Variants in ERN1 observed in about 807,000 individuals in gnomAD.
ERN1 encodes serine/threonine-protein kinase/endoribonuclease IRE1.
In ERN1, 39 loss-of-function variants were observed where a neutral mutation model predicts 113.1. That is an observed-to-expected ratio of 0.34 (90% CI 0.27 to 0.45). The LOEUF is 0.45. ERN1 is among the 20% of genes least tolerant of loss of function. The probability of loss-of-function intolerance (pLI) is 1.00; values close to 1 mark genes in which losing one functional copy is unlikely to be tolerated. For missense variants in ERN1, 976 were observed against 1,274.8 expected (o/e 0.77, Z 3.57); for synonymous variants, 507 against 515.9 (o/e 0.98, Z 0.23).
At chr17:64,079,188 CT>C (rs1031558299) in intron 4 of ERN1, among the ~76,000 whole-genome samples, 3 of 152,110 alleles carry the variant, frequency 2.0e-5, no homozygotes, top group Non-Finnish European at 4.4e-5. Flanking sequence ...GGTCCTAATG[CT>C]GTTTTTTCGA....
intron 18 of ERN1, 107 bp downstream of exon 18, chr17:64,048,947 TG>T: frequency 8.7e-7 from 1 of 1,155,870 alleles, no homozygotes. Flanking sequence ...GGTGAGCAGC[TG>T]GGGCACCACG....
intron 10 of ERN1, among the ~76,000 whole-genome samples, chr17:64,062,613 C>T (rs1049012716): frequency 2.0e-5 from 3 of 152,184 alleles, no homozygotes; most frequent in African/African-American, 7.2e-5. Context: ...AGACTCCCTG[C>T]CCCCATATTT....
At chr17:64,099,091 G>C (rs1474613083) in intron 1 of ERN1, among the ~76,000 whole-genome samples, 1 of 152,076 alleles carries the variant, frequency 6.6e-6, no homozygotes, top group African/African-American at 2.4e-5. Context: ...ACAAAAACTG[G>C]AAAGAACCAA....
chr17:64,054,077 C>T lies in ERN1; in HGVS notation c.1953+173G>A, dbSNP rs1912774638. Reference sequence around the variant, plus strand: ...ACCTCAGCCTCCCAAGTAGCTGGGGCTACAGGAACACATCGCTAGGCCTGG... The same window carrying T: ...ACCTCAGCCTCCCAAGTAGCTGGGGTTACAGGAACACATCGCTAGGCCTGG... On this transcript the variant is annotated intron_variant, in intron 15 of 21. Coordinates refer to ENST00000433197, the MANE Select transcript of ERN1 (RefSeq NM_001433.5). The surrounding 1 kb of genome is among the most constrained non-coding windows in gnomAD (Gnocchi z 4.9). The T allele has an allele frequency of 3.6e-6, 2 of 560,058 alleles. No individual in the cohort carries two copies. The highest frequency in any genetic ancestry group is 6.3e-6 in the Non-Finnish European group (2 of 319,904). 34.7% of individuals were successfully genotyped at this position (560,058 alleles called of 1,614,324 possible). A position where few individuals can be genotyped will look rare whatever the true frequency, so the allele number is the denominator to read the frequency against.
intron 2 of ERN1, 67 bp downstream of exon 2, chr17:64,098,054 C>T: frequency 6.4e-7 from 1 of 1,573,166 alleles, no homozygotes; most frequent in Non-Finnish European, 8.7e-7. Flanking sequence ...TCTCTTTCTC[C>T]AGAATATGTT....
chr17:64,054,074 G>T lies in ERN1; in HGVS notation c.1953+176C>A, dbSNP rs989154446. On this transcript the variant is annotated intron_variant, in intron 15 of 21. Coordinates refer to ENST00000433197, the MANE Select transcript of ERN1 (RefSeq NM_001433.5). This position sits in a 1 kb window ranked among gnomAD's most constrained non-coding sequence, Gnocchi z 4.9. ...CCCACCTCAGCCTCCCAAGTAGCTG[G>T]GGCTACAGGAACACATCGCTAGGCC... 1.8e-6 allele frequency: 1 copy of T among 542,884 alleles called. No individual in the cohort carries two copies. Among genetic ancestry groups the T allele is most frequent in the Non-Finnish European group, 3.2e-6 (1 of 309,118 alleles). 33.6% of individuals were successfully genotyped at this position (542,884 alleles called of 1,614,324 possible). A position where few individuals can be genotyped will look rare whatever the true frequency, so the allele number is the denominator to read the frequency against.
At chr17:64,055,601 T>G in intron 13 of ERN1, 74 bp downstream of exon 13, 1 of 1,359,902 alleles carries the variant, frequency 7.4e-7, no homozygotes, top group Non-Finnish European at 9.9e-7. Context: ...TACAATCTTA[T>G]GGAGACTCCT....
rs1912402853 is a variant in ERN1, at chr17:64,043,414, T to A, written c.*574A>T. On this transcript the variant is annotated 3_prime_UTR_variant, in exon 22 of 22. Coordinates refer to ENST00000433197, the MANE Select transcript of ERN1 (RefSeq NM_001433.5). ...CCTCATGCTCATGGCTCCTGCTGCC[T>A]CTGCAGAAACACTAGTTAACAGTGA... 1 of 152,798 alleles carries A rather than the reference T, an allele frequency of 6.5e-6. No individual in the cohort carries two copies. The highest frequency in any genetic ancestry group is 6.5e-5 in the Admixed American group (1 of 15,286). The allele number at this position is 152,798 out of a possible 1,614,324, so 9.5% of individuals were successfully genotyped here. A position where few individuals can be genotyped will look rare whatever the true frequency, so the allele number is the denominator to read the frequency against.
chr17:64,123,535 T>C (rs1032568246), intron 1 of ERN1, among the ~76,000 whole-genome samples: 5 of 152,188 alleles, frequency 3.3e-5, no homozygotes, highest in South Asian at 2.1e-4. Flanking sequence ...TAAAAGAAAA[T>C]AGCATACTTT....
Position 64,049,832 on chromosome 17 carries a change from C to T in ERN1, c.2254-630G>A, listed in dbSNP as rs574906272. Among the ~76,000 whole-genome samples, 5 of 152,118 alleles carry T rather than the reference C, an allele frequency of 3.3e-5. No homozygotes were observed. The highest frequency in any genetic ancestry group is 5.9e-5 in the Non-Finnish European group (4 of 68,014). ...AATAGCTTCCTTCGAGGGAAATGTACGTTTGTGTTTTTTAGCTCATGCTAC... is the reference window on the plus strand; with the variant it reads ...AATAGCTTCCTTCGAGGGAAATGTATGTTTGTGTTTTTTAGCTCATGCTAC... On this transcript the variant is annotated intron_variant, in intron 17 of 21. Transcript: ENST00000433197. The surrounding 1 kb of genome is among the most constrained non-coding windows in gnomAD (Gnocchi z 4.7).
intron 6 of ERN1, among the ~76,000 whole-genome samples, chr17:64,069,157 TG>T (rs1913330801): frequency 6.6e-6 from 1 of 152,222 alleles, no homozygotes; most frequent in African/African-American, 2.4e-5. Flanking sequence ...TTGAGACCTC[TG>T]AAAGATTTTA....
chr17:64,102,326 T>C (rs1326040599), intron 1 of ERN1, among the ~76,000 whole-genome samples: 1 of 152,130 alleles, frequency 6.6e-6, no homozygotes, highest in African/African-American at 2.4e-5. Flanking sequence ...ATGACTAATT[T>C]AGTCTTGGAA....
chr17:64,075,268 A>AG (rs761494915), intron 4 of ERN1, 21 bp from the exon 5 acceptor site: 369 of 1,420,120 alleles, frequency 2.6e-4, no homozygotes, highest in Admixed American at 4.1e-4. Flanking sequence ...AAAAAAAAAG[A>AG]AAAAAAAAAG....
intron 18 of ERN1, 48 bp from the exon 19 acceptor site, chr17:64,048,033 C>T (rs778452413): frequency 8.4e-5 from 129 of 1,531,962 alleles, no homozygotes; most frequent in Middle Eastern, 1.7e-4. Context: ...TCCAAAGCCA[C>T]AGTGAAATAC....
In ERN1 at chr17:64,052,787, T is replaced by C. The variant is rs1410021033; in HGVS notation, c.2246A>G (p.Glu749Gly). The stretch of plus-strand genomic sequence containing the variant: ...CCATAGCCTATTACTCACAGGGTTC[T>C]CCTTACAGTCTTCGCTCAGCATCTC... ...APEMLSEDCK[E>G]NPTYTVDIFS... Residue 749 changes from glutamate to glycine, a missense_variant, in exon 17 of 22, where the codon GAG becomes GGG. By Grantham distance (98) the Glu-to-Gly change is moderately conservative. Transcript: ENST00000433197. The C allele has an allele frequency of 1.9e-6, 3 of 1,613,436 alleles. No individual in the cohort carries two copies. The highest frequency in any genetic ancestry group is 1.3e-5 in the African/African-American group (1 of 74,934).
intron 19 of ERN1, among the ~76,000 whole-genome samples, chr17:64,045,849 T>A (rs1048622636): frequency 6.6e-6 from 1 of 152,220 alleles, no homozygotes; most frequent in Non-Finnish European, 1.5e-5. Flanking sequence ...AGATTTGATG[T>A]GCATCCCGTG....
At chr17:64,064,258 C>CT in intron 9 of ERN1, 107 bp from the exon 10 acceptor site, 1 of 1,271,646 alleles carries the variant, frequency 7.9e-7, no homozygotes, top group Non-Finnish European at 1.1e-6. Context: ...TAGTGCAGGG[C>CT]TAGTCCAGGA....
chr17:64,065,372 C>T, intron 8 of ERN1, 85 bp from the exon 9 acceptor site: 1 of 975,498 alleles, frequency 1.0e-6, no homozygotes. Context: ...CCAAATACCA[C>T]CCGCAGGGAT....
At chr17:64,091,943 A>C (rs1167544476) in intron 2 of ERN1, among the ~76,000 whole-genome samples, 1 of 152,200 alleles carries the variant, frequency 6.6e-6, no homozygotes, top group Non-Finnish European at 1.5e-5. Context: ...CATCATTCAC[A>C]GGTAACACAC....
Sources: allele counts gnomAD v4.1 joint callset (sites outside exome capture counted in the v4.1 genomes callset), GRCh38; gene constraint gnomAD v4.1.1; non-coding constraint Gnocchi (gnomAD v3.1); transcripts MANE v1.5; gene names NCBI Gene and HGNC (gene_info 2026-07-23, HGNC 2026-07-21).